YIPF5: variants seen among roughly 807,000 people sequenced by gnomAD.
YIPF5 encodes protein YIPF5.
YIPF5 carries 8 observed loss-of-function variants against 30.4 expected under a neutral mutation model. The observed-to-expected ratio is 0.26, with a 90% CI of 0.15 to 0.47. The LOEUF (loss-of-function observed/expected upper bound fraction) is 0.47. Among genes scored for constraint, YIPF5 ranks in the 20% least tolerant of loss-of-function variants. The pLI, the probability that YIPF5 is intolerant of heterozygous loss-of-function variation, is 0.99. For synonymous variants in YIPF5, 104 were observed against 107.9 expected, an observed-to-expected ratio of 0.96 and a Z score of 0.23; for missense variants, 282 against 301.8, an observed-to-expected ratio of 0.93 and a Z score of 0.49.
chr5:144,160,624 T>C (rs918406568), intron 5 of YIPF5, 65 bp from the exon 6 acceptor site: 8 of 1,359,552 alleles, frequency 5.9e-6, no homozygotes, highest in African/African-American at 1.5e-5. Context: ...TATGTAAGAA[T>C]ACTACAATAA....
intron 5 of YIPF5, among the ~76,000 whole-genome samples, chr5:144,161,961 TACC>T (rs1481026821): frequency 6.6e-6 from 1 of 152,226 alleles, no homozygotes; most frequent in Non-Finnish European, 1.5e-5. Flanking sequence ...TTCAATTTGT[TACC>T]ACTATGACAA....
chr5:144,168,574 A>G (rs778066905), intron 2 of YIPF5, among the ~76,000 whole-genome samples: 16 of 152,244 alleles, frequency 1.1e-4, no homozygotes, highest in Non-Finnish European at 2.1e-4. Flanking sequence ...TTAATTTATC[A>G]AAAGAGATAA....
chr5:144,163,918 T>C (rs987172831), intron 4 of YIPF5, 193 bp downstream of exon 4: 16 of 503,054 alleles, frequency 3.2e-5, no homozygotes, highest in Admixed American at 1.8e-4. Flanking sequence ...AAAGAAATGA[T>C]TTTTAAAACA....
chr5:144,161,514 T>C (rs996892532), intron 5 of YIPF5, among the ~76,000 whole-genome samples: 1 of 151,862 alleles, frequency 6.6e-6, no homozygotes, highest in Non-Finnish European at 1.5e-5. Flanking sequence ...GCCCGGCTAA[T>C]TTTGTATTTT....
chr5:144,168,297 C>CAGAAA (rs1248989609), intron 2 of YIPF5, among the ~76,000 whole-genome samples: 3 of 151,430 alleles, frequency 2.0e-5, no homozygotes, highest in Admixed American at 1.3e-4. Flanking sequence ...GTGGACAGGA[C>CAGAAA]AGAAAAGAAA....
chr5:144,169,993 T>A, intron 1 of YIPF5, 28 bp from the exon 2 acceptor site: 2 of 1,556,318 alleles, frequency 1.3e-6, no homozygotes, highest in Non-Finnish European at 1.8e-6. Flanking sequence ...TGGCAAATAT[T>A]CCTTATGCCC....
chr5:144,170,096 G>C (rs1461586637), intron 1 of YIPF5, 131 bp from the exon 2 acceptor site: 5 of 677,926 alleles, frequency 7.4e-6, no homozygotes, highest in Non-Finnish European at 1.3e-5. Context: ...GATGGGGGCG[G>C]AAAGTACGCA....
Position 144,158,364 on chromosome 5 carries a change from TA to T in YIPF5, c.*2032del. ...TGCACCTTATTATTTTGGAGCAAAA[TA>T]AAAAATAACCACCACAAAAAAAATC... On this transcript the variant is annotated 3_prime_UTR_variant, in exon 6 of 6. Transcript: ENST00000274496. 3 of 1,127,754 alleles carry T rather than the reference TA, an allele frequency of 2.7e-6. No individual in the cohort carries two copies. Among genetic ancestry groups the T allele is most frequent in the African/African-American group, 1.6e-5 (1 of 60,662 alleles). 69.9% of individuals were successfully genotyped at this position (1,127,754 alleles called of 1,614,324 possible). A position where few individuals can be genotyped will look rare whatever the true frequency, so the allele number is the denominator to read the frequency against.
chr5:144,163,195 G>A (rs1274614669), intron 4 of YIPF5, among the ~76,000 whole-genome samples: 1 of 152,076 alleles, frequency 6.6e-6, no homozygotes, highest in East Asian at 1.9e-4. Context: ...TCCAATTTTT[G>A]TCACATAAAA....
intron 2 of YIPF5, among the ~76,000 whole-genome samples, chr5:144,169,284 C>T (rs6580314): frequency 0.3 from 45,433 of 151,970 alleles, 7,965 homozygotes; most frequent in African/African-American, 0.48. Flanking sequence ...TTTGAGTCAA[C>T]CTCCTCAGTA....
Position 144,160,529 on chromosome 5 carries a change from C to T in YIPF5, c.642G>A (p.Gly214=), listed in dbSNP as rs140887787. ...QGMVGIILTA[G]IIGWCSFSAS... is the part of the protein sequence containing the mutation. ...CAGAAAAACTACACCATCCAATAAT[C>T]CCAGCAGTGAGAATGATTCCTACCA... The change falls in exon 6 of 6, where the codon GGG becomes GGA. Residue 214 remains glycine, a synonymous_variant. Coordinates refer to ENST00000274496, the MANE Select transcript of YIPF5 (RefSeq NM_030799.9). 2 of 1,613,794 alleles carry T rather than the reference C, an allele frequency of 1.2e-6. No homozygotes were observed. The highest frequency in any genetic ancestry group is 1.7e-6 in the Non-Finnish European group (2 of 1,179,944).
chr5:144,165,537 G>T lies in YIPF5; in HGVS notation c.178C>A (p.Gln60Lys). ...FVPPDMMQPQ[Q>K]PYTGQIYQPT... ...TGGTAAATCTGCCCGGTGTATGGCT[G>T]TTGTGGCTGCATCATGTCTGGAGGG... Residue 60 changes from glutamine (Q) to lysine (K), a missense_variant, in exon 3 of 6, where the codon CAG becomes AAG. Physicochemically the swap from Gln to Lys is moderately conservative, Grantham distance 53. Transcript: ENST00000274496. The T allele has an allele frequency of 6.2e-7, 1 of 1,614,154 alleles. No individual in the cohort carries two copies. Among genetic ancestry groups the T allele is most frequent in the Non-Finnish European group, 8.5e-7 (1 of 1,180,020 alleles).
intron 5 of YIPF5, among the ~76,000 whole-genome samples, chr5:144,160,919 A>G (rs1011950393): frequency 1.3e-5 from 2 of 152,208 alleles, no homozygotes; most frequent in Non-Finnish European, 2.9e-5. Context: ...GCCTCTGTAC[A>G]TAAGATATAA....
At chr5:144,167,938 A>C (rs1752246018) in intron 2 of YIPF5, among the ~76,000 whole-genome samples, 1 of 152,242 alleles carries the variant, frequency 6.6e-6, no homozygotes, top group Admixed American at 6.5e-5. Flanking sequence ...ATTAGATTGC[A>C]GATCTACTTG....
At position 144,159,168 on chromosome 5, in the gene YIPF5, TTCTATTCTTAAAGCTTAAATTAGGGG is replaced by T. The variant is rs2126753721; in HGVS notation, c.*1203_*1228del. Reference sequence around the variant, plus strand: ...TTTGTCTGATTCTATATTAGCTGATTTCTATTCTTAAAGCTTAAATTAGGGGTCAAAATCAGAGCCTAGTTAAAAAA... The same window carrying T: ...TTTGTCTGATTCTATATTAGCTGATTTCAAAATCAGAGCCTAGTTAAAAAA... On this transcript the variant is annotated 3_prime_UTR_variant, in exon 6 of 6. Transcript: ENST00000274496. The T allele has an allele frequency of 1.0e-6, 1 of 985,204 alleles. No homozygotes were observed. Among genetic ancestry groups the T allele is most frequent in the Non-Finnish European group, 1.2e-6 (1 of 829,710 alleles). 61.0% of individuals were successfully genotyped at this position (985,204 alleles called of 1,614,324 possible). A position where few individuals can be genotyped will look rare whatever the true frequency, so the allele number is the denominator to read the frequency against.
chr5:144,164,221 T>C lies in YIPF5; in HGVS notation c.319A>G (p.Thr107Ala). 1 of 1,611,778 alleles carries C rather than the reference T, an allele frequency of 6.2e-7. No individual in the cohort carries two copies. The highest frequency in any genetic ancestry group is 8.5e-7 in the Non-Finnish European group (1 of 1,178,924). Residue 107 changes from threonine to alanine, a missense_variant, in exon 4 of 6, where the codon ACA becomes GCA. Coordinates refer to ENST00000274496, the MANE Select transcript of YIPF5 (RefSeq NM_030799.9). ...TTTAACGGATGTAATACTGTTAGTGTTTTTTGCCAGATGTGGTCAAAATTG... is the reference window on the plus strand; with the variant it reads ...TTTAACGGATGTAATACTGTTAGTGCTTTTTGCCAGATGTGGTCAAAATTG... ...GINFDHIWQK[T>A]LTVLHPLKVA...
At position 144,167,370 on chromosome 5, in the gene YIPF5, C is replaced by CTA. The variant is rs770323622; in HGVS notation, c.111-1768_111-1767dup. Among the ~76,000 whole-genome samples the CTA allele has an allele frequency of 3.3e-5, 5 of 152,062 alleles. No homozygotes were observed. The East Asian group carries it at 5.8e-4, about 18-fold the overall frequency. On this transcript the variant is annotated intron_variant, in intron 2 of 5. Transcript: ENST00000274496. ...AAAACAACATGAAAAGCAGCAGATA[C>CTA]TAAATCAATACTCTCATAAGTACTC...
At chr5:144,164,493 G>A (rs1288965788) in intron 3 of YIPF5, among the ~76,000 whole-genome samples, 1 of 151,952 alleles carries the variant, frequency 6.6e-6, no homozygotes, top group Non-Finnish European at 1.5e-5. Context: ...TCAAAGTGAT[G>A]TTCCTGCCTC....
chr5:144,165,682 T>C (rs1248440071), intron 2 of YIPF5, 78 bp from the exon 3 acceptor site: 3 of 1,414,344 alleles, frequency 2.1e-6, no homozygotes, highest in Non-Finnish European at 9.6e-7. Flanking sequence ...TCCTAAATTT[T>C]CATGTGACAG....
Sources: gnomAD v4.1 joint callset for allele counts (sites outside exome capture counted in the v4.1 genomes callset) on GRCh38, gnomAD v4.1.1 for gene constraint, MANE v1.5 for transcripts, NCBI Gene and HGNC (gene_info 2026-07-23, HGNC 2026-07-21) for gene names.